CEACAM20: variants seen among roughly 807,000 people sequenced by gnomAD.
CEACAM20 encodes the protein cell adhesion molecule CEACAM20.
In CEACAM20, 50 loss-of-function variants were observed where a neutral mutation model predicts 61.2. The observed-to-expected ratio is 0.82, with a 90% CI of 0.65 to 1.03. CEACAM20 has a LOEUF of 1.03. Ranked by LOEUF, CEACAM20 falls within the 50% of genes least tolerant of loss-of-function variation. The probability of loss-of-function intolerance (pLI) is 0.00; values close to 1 mark genes in which losing one functional copy is unlikely to be tolerated. For synonymous variants in CEACAM20, 282 were observed against 287.7 expected (o/e 0.98, Z 0.20); for missense variants, 683 against 736.4 (o/e 0.93, Z 0.84).
In CEACAM20 at chr19:44,516,987, G is replaced by C; in HGVS notation, c.1268C>G (p.Thr423Ser). 6.3e-7 allele frequency: 1 copy of C among 1,599,336 alleles called. No individual in the cohort carries two copies. The highest frequency in any genetic ancestry group is 8.5e-7 in the Non-Finnish European group (1 of 1,173,358). The change falls in exon 6 of 12, where the codon ACT becomes AGT. Residue 423 changes from threonine (T) to serine (S), a missense_variant. Transcript: ENST00000614924. ...IYNCTASNSL[T>S]GLARSTSVLV... is the part of the protein sequence containing the mutation. The stretch of plus-strand genomic sequence containing the variant: ...GACTGAAGTGGAGCGGGCCAGGCCA[G>C]TGAGAGAGTTGGAGGCTGTGCAGTT...
At chr19:44,513,727 C>T (rs184612490) in intron 6 of CEACAM20, among the ~76,000 whole-genome samples, 50 of 152,200 alleles carry the variant, frequency 3.3e-4, no homozygotes, top group Non-Finnish European at 6.6e-4. Context: ...AGGTGTAAGC[C>T]ACTGCACCTG....
intron 2 of CEACAM20, 44 bp downstream of exon 2, chr19:44,525,057 T>C (rs747485222): frequency 1.3e-5 from 20 of 1,599,194 alleles, no homozygotes; most frequent in Admixed American, 3.5e-5. Context: ...GGGATCTCCA[T>C]GGAGGCAGAG....
Position 44,517,042 on chromosome 19 carries a change from C to A in CEACAM20, c.1213G>T (p.Ala405Ser). ...EHLGEQLIIR[A>S]LTWEHDGIYN... ...ATCCCGTCGTGTTCCCAGGTCAGAG[C>A]CCTGATAATCAGCTGCTCACCCAGG... The change falls in exon 6 of 12, where the codon GCT (alanine) becomes TCT (serine). Residue 405 changes from alanine to serine, a missense_variant. By Grantham distance (99) the Ala-to-Ser change is moderately conservative. Transcript: ENST00000614924. 1 of 1,601,860 alleles carries A rather than the reference C, an allele frequency of 6.2e-7. No homozygotes were observed.
chr19:44,516,831 A>T, intron 6 of CEACAM20, 115 bp downstream of exon 6: 1 of 1,157,054 alleles, frequency 8.6e-7, no homozygotes. Context: ...GAACCTGCTC[A>T]GGCAGTGTGG....
chr19:44,524,267 A>G lies in CEACAM20; in HGVS notation c.197-6T>C. ...AATGGAGGGTTTGGCCAGCTCTGAA[A>G]GCAAGCGAGGGAGACAGAGGCAGAG... On this transcript the variant is annotated splice_region_variant and splice_polypyrimidine_tract_variant and intron_variant, in intron 2 of 11. Transcript: ENST00000614924. 2.5e-6 allele frequency: 4 copies of G among 1,609,286 alleles called. No individual in the cohort carries two copies. Among genetic ancestry groups the G allele is most frequent in the Non-Finnish European group, 3.4e-6 (4 of 1,177,092 alleles).
intron 1 of CEACAM20, among the ~76,000 whole-genome samples, chr19:44,528,581 A>C (rs1971607802): frequency 6.6e-6 from 1 of 151,300 alleles, no homozygotes; most frequent in Non-Finnish European, 1.5e-5. Flanking sequence ...CTCTGTGCGT[A>C]TCTCTTCTCC....
chr19:44,529,395 C>CA, intron 1 of CEACAM20, 63 bp downstream of exon 1: 2 of 1,222,816 alleles, frequency 1.6e-6, no homozygotes, highest in Non-Finnish European at 2.4e-6. Context: ...CACACACACA[C>CA]CGCTGACAAA....
Position 44,511,663 on chromosome 19 carries a change from G to C in CEACAM20, c.1585C>G (p.Pro529Ala). 8 of 1,612,876 alleles carry C rather than the reference G, an allele frequency of 5.0e-6. No individual in the cohort carries two copies. The highest frequency in any genetic ancestry group is 5.9e-6 in the Non-Finnish European group (7 of 1,179,594). Residue 529 changes from proline to alanine, a missense_variant, in exon 10 of 12, where the codon CCA becomes GCA. Pro to Ala is a conservative substitution (Grantham distance 27). Coordinates refer to ENST00000614924, the MANE Select transcript of CEACAM20 (RefSeq NM_001102597.3). ...GRIRVELMQP[P>A]DLPEETYETK... ...TCATAGGTCTCCTCTGGAAGGTCTG[G>C]TGGTTGCATCTGGGGAAAAACAAAG... is the stretch of plus-strand genomic sequence containing the variant.
intron 8 of CEACAM20, 32 bp from the exon 9 acceptor site, chr19:44,512,110 A>G: frequency 3.2e-6 from 5 of 1,555,740 alleles, no homozygotes; most frequent in Non-Finnish European, 4.4e-6. Flanking sequence ...CAGGAGCTGG[A>G]GTTCGAAAGA....
At chr19:44,513,619 G>T (rs1971075471) in intron 6 of CEACAM20, among the ~76,000 whole-genome samples, 1 of 151,522 alleles carries the variant, frequency 6.6e-6, no homozygotes, top group South Asian at 2.1e-4. Context: ...TGTATTCTTT[G>T]GTAGAGAGGG....
chr19:44,520,630 G>A lies in CEACAM20; in HGVS notation c.874C>T (p.Gln292Ter). The part of the protein sequence containing the change: ...SVNVQWFLSG[Q>*]PLLPSEHLQL... ...AGGTGCTCACTGGGCAGGAGGGGCT[G>A]GCCACTTAGGAACCACTGGACATTC... is the stretch of plus-strand genomic sequence containing the variant. The change falls in exon 5 of 12, where the codon CAG becomes TAG. Residue 292 changes from glutamine (Q) to a stop codon, truncating the protein, a stop_gained. Coordinates refer to ENST00000614924, the MANE Select transcript of CEACAM20 (RefSeq NM_001102597.3). LOFTEE classifies it high-confidence loss of function. 1.2e-6 allele frequency: 2 copies of A among 1,614,000 alleles called. No individual in the cohort carries two copies. Among genetic ancestry groups the A allele is most frequent in the Non-Finnish European group, 1.7e-6 (2 of 1,179,874 alleles).
intron 7 of CEACAM20, 87 bp downstream of exon 7, chr19:44,513,085 C>T: frequency 7.6e-7 from 1 of 1,316,284 alleles, no homozygotes; most frequent in East Asian, 2.5e-5. Flanking sequence ...AGACAAGACT[C>T]AGCACCATGG....
intron 11 of CEACAM20, among the ~76,000 whole-genome samples, chr19:44,508,581 C>G (rs1813064): frequency 0.8 from 122,136 of 152,036 alleles, 49,327 homozygotes; most frequent in Middle Eastern, 0.92. Flanking sequence ...GTAGAGACAG[C>G]GTTTCACCAT....
intron 11 of CEACAM20, 49 bp from the exon 12 acceptor site, chr19:44,506,263 CCAGTCTA>C: frequency 6.5e-7 from 1 of 1,543,858 alleles, no homozygotes; most frequent in Non-Finnish European, 8.9e-7. Flanking sequence ...GTGGACCCTC[CCAGTCTA>C]CTCACTGTAG....
intron 8 of CEACAM20, 80 bp from the exon 9 acceptor site, chr19:44,512,158 C>G: frequency 9.5e-7 from 1 of 1,057,770 alleles, no homozygotes; most frequent in African/African-American, 1.6e-5. Context: ...GGACCCCTGA[C>G]CCCAGGAAGG....
At chr19:44,522,974 G>T in intron 3 of CEACAM20, 62 bp from the exon 4 acceptor site, 1 of 1,359,640 alleles carries the variant, frequency 7.4e-7, no homozygotes. Flanking sequence ...TCTTATGGAG[G>T]TCTTTAACGG....
intron 5 of CEACAM20, among the ~76,000 whole-genome samples, chr19:44,518,167 G>T (rs1316516957): frequency 2.1e-5 from 1 of 48,636 alleles, no homozygotes; most frequent in African/African-American, 9.6e-5. Flanking sequence ...AGGAAGGAAG[G>T]AAGAAAGCAG....
At position 44,520,483 on chromosome 19, in the gene CEACAM20, T is replaced by C. The variant is rs1381413684; in HGVS notation, c.1021A>G (p.Thr341Ala). 6.2e-7 allele frequency: 1 copy of C among 1,611,982 alleles called. No homozygotes were observed. Among genetic ancestry groups the C allele is most frequent in the Non-Finnish European group, 8.5e-7 (1 of 1,179,172 alleles). Residue 341 changes from threonine to alanine, a missense_variant, in exon 5 of 12, where the codon ACC becomes GCC. By Grantham distance (58) the Thr-to-Ala change is moderately conservative. Coordinates refer to ENST00000614924, the MANE Select transcript of CEACAM20 (RefSeq NM_001102597.3). ...SRARSEPLEL[T>A]INYGPDQVHI... The stretch of plus-strand genomic sequence containing the variant: ...GCCCTGGGTGACTCACAGTTGATGG[T>C]CAGCTCAAGGGGCTCACTCCGGGCC...
chr19:44,513,612 A>G (rs977700346), intron 6 of CEACAM20, among the ~76,000 whole-genome samples: 1 of 150,978 alleles, frequency 6.6e-6, no homozygotes, highest in Non-Finnish European at 1.5e-5. Flanking sequence ...GATTTTTTGT[A>G]TTCTTTGGTA....
Sources: gnomAD v4.1 joint callset for allele counts (sites outside exome capture counted in the v4.1 genomes callset) on GRCh38, gnomAD v4.1.1 for gene constraint, MANE v1.5 for transcripts, NCBI Gene and HGNC (gene_info 2026-07-23, HGNC 2026-07-21) for gene names.